SIPA1L3: variants seen among roughly 807,000 people sequenced by gnomAD.
The protein encoded by SIPA1L3 is signal induced proliferation associated 1 like 3.
In SIPA1L3, 59 loss-of-function variants were observed where a neutral mutation model predicts 150.1. The observed-to-expected ratio is 0.39, with a 90% CI of 0.32 to 0.49. SIPA1L3 has a LOEUF of 0.49. SIPA1L3 is among the 20% of genes least tolerant of loss of function. The pLI is 0.86. For synonymous variants in SIPA1L3, 1,070 were observed against 1,077.6 expected (o/e 0.99, Z 0.14); for missense variants, 2,211 against 2,489.5 (o/e 0.89, Z 2.38).
At chr19:38,002,717 CAAAAAAAAAAAA>C (rs55737969) in intron 1 of SIPA1L3, among the ~76,000 whole-genome samples, 1 of 61,420 alleles carries the variant, frequency 1.6e-5, no homozygotes, top group Non-Finnish European at 2.9e-5. Context: ...GACTCCATCT[CAAAAAAAAAAAA>C]AAAAAAAAAA....
chr19:37,959,802 G>C (rs949688404), intron 1 of SIPA1L3, among the ~76,000 whole-genome samples: 10 of 137,248 alleles, frequency 7.3e-5, no homozygotes, highest in Non-Finnish European at 1.2e-4. Flanking sequence ...ATTTTGTTGG[G>C]TTTTAAAAAA....
chr19:38,019,661 A>T (rs1445246353), intron 1 of SIPA1L3, among the ~76,000 whole-genome samples: 2 of 152,162 alleles, frequency 1.3e-5, no homozygotes, highest in Non-Finnish European at 2.9e-5. Context: ...ATTGGCCTGG[A>T]CCTTCAAGCC....
chr19:37,908,344 T>C (rs1245070349), intron 1 of SIPA1L3, among the ~76,000 whole-genome samples: 1 of 152,186 alleles, frequency 6.6e-6, no homozygotes, highest in Non-Finnish European at 1.5e-5. Context: ...TCCAGCGCCA[T>C]CTCTCACTAA....
At chr19:37,909,129 C>T (rs2046358221) in intron 1 of SIPA1L3, among the ~76,000 whole-genome samples, 1 of 152,228 alleles carries the variant, frequency 6.6e-6, no homozygotes, top group Non-Finnish European at 1.5e-5. Flanking sequence ...ATCCAGTCAA[C>T]TAGCAAGAAG....
intron 2 of SIPA1L3, among the ~76,000 whole-genome samples, chr19:38,060,103 T>A (rs1026904014): frequency 6.6e-6 from 1 of 152,202 alleles, no homozygotes; most frequent in Non-Finnish European, 1.5e-5. Context: ...GCAACTGCTC[T>A]CTGCACTTCA....
intron 1 of SIPA1L3, among the ~76,000 whole-genome samples, chr19:37,932,882 G>T (rs915131188): frequency 1.3e-5 from 2 of 152,012 alleles, no homozygotes; most frequent in Admixed American, 1.3e-4. Context: ...TGAGAAAAAT[G>T]GAGGACATTT....
At chr19:37,961,732 A>T (rs1158045364) in intron 1 of SIPA1L3, among the ~76,000 whole-genome samples, 1 of 151,934 alleles carries the variant, frequency 6.6e-6, no homozygotes, top group Non-Finnish European at 1.5e-5. Context: ...CTCCTCTCAT[A>T]GGACTCCCAT....
At chr19:37,911,941 C>T (rs934932360) in intron 1 of SIPA1L3, among the ~76,000 whole-genome samples, 6 of 151,610 alleles carry the variant, frequency 4.0e-5, no homozygotes, top group Admixed American at 2.0e-4. Context: ...GCGTGGTGGC[C>T]GGTGCCTGTA....
chr19:37,975,626 A>C (rs1255598232), intron 1 of SIPA1L3, among the ~76,000 whole-genome samples: 1 of 152,210 alleles, frequency 6.6e-6, no homozygotes, highest in African/African-American at 2.4e-5. Flanking sequence ...CAAGGGCTCT[A>C]TAGGTTTAAT....
intron 9 of SIPA1L3, among the ~76,000 whole-genome samples, chr19:38,122,848 TGGTCACATGTCGCCTTGTC>T (rs1971052502): frequency 6.6e-6 from 1 of 152,214 alleles, no homozygotes; most frequent in Non-Finnish European, 1.5e-5. Context: ...TACAGGCCTT[TGGTCACATGTCGCCTTGTC>T]GGTGAGGCCT....
intron 13 of SIPA1L3, among the ~76,000 whole-genome samples, chr19:38,161,876 CAA>C (rs11365704): frequency 1.5e-3 from 207 of 141,756 alleles, no homozygotes; most frequent in African/African-American, 1.3e-3. Flanking sequence ...AGCAAGACCT[CAA>C]AAAAAAAAAA....
rs566071263 is a variant in SIPA1L3, at chr19:37,965,317, GT to G, written c.-379+57976del. ...TTTATCAGTTCTTTTTATATTTCTA[GT>G]TTTTTTTTTTTTTTTTGAGAAGGCG... On this transcript the variant is annotated intron_variant, in intron 1 of 21. Coordinates refer to ENST00000222345, the MANE Select transcript of SIPA1L3 (RefSeq NM_015073.3). Among the ~76,000 whole-genome samples, 134 of 133,684 alleles carry G rather than the reference GT, an allele frequency of 1.0e-3. No individual in the cohort carries two copies. In the East Asian group the frequency reaches 0.014, roughly 14 times the overall value. The allele number at this position is 133,684 out of a possible 152,430, so 87.7% of individuals were successfully genotyped here.
At position 38,088,845 on chromosome 19, in the gene SIPA1L3, C is replaced by T; in HGVS notation, c.1659C>T (p.Thr553=). 1 of 1,613,742 alleles carries T rather than the reference C, an allele frequency of 6.2e-7. No homozygotes were observed. The highest frequency in any genetic ancestry group is 8.5e-7 in the Non-Finnish European group (1 of 1,179,792). The change falls in exon 4 of 22, where the codon ACC becomes ACT. Residue 553 remains threonine (T), a synonymous_variant. Transcript: ENST00000222345. The part of the protein sequence containing the change: ...PQYQYRIIFR[T]RELITLRGSI... ...ACCAGTACAGGATCATCTTCCGGAC[C>T]CGCGAGGTAGGTCCCATCACTCTCG...
intron 18 of SIPA1L3, among the ~76,000 whole-genome samples, chr19:38,196,877 G>C (rs948389956): frequency 3.3e-5 from 5 of 152,284 alleles, no homozygotes; most frequent in African/African-American, 1.2e-4. Flanking sequence ...CTGAGTTTAT[G>C]TCCCACGTCT....
chr19:38,128,093 C>T (rs1247745712), intron 9 of SIPA1L3, among the ~76,000 whole-genome samples: 1 of 127,884 alleles, frequency 7.8e-6, no homozygotes, highest in Non-Finnish European at 1.6e-5. Flanking sequence ...CTCGCTCTGT[C>T]GCCCAGGCTG....
chr19:38,020,731 C>T (rs902963475), intron 1 of SIPA1L3, among the ~76,000 whole-genome samples: 6 of 152,128 alleles, frequency 3.9e-5, no homozygotes, highest in Non-Finnish European at 7.4e-5. Context: ...GGCACCAGGT[C>T]ATCTTTCTAG....
At chr19:38,064,467 C>A (rs1205090604) in intron 2 of SIPA1L3, among the ~76,000 whole-genome samples, 1 of 152,236 alleles carries the variant, frequency 6.6e-6, no homozygotes, top group African/African-American at 2.4e-5. Context: ...GAGGCCGAGG[C>A]GGGCAGATCA....
intron 1 of SIPA1L3, among the ~76,000 whole-genome samples, chr19:37,927,629 G>T (rs2046516081): frequency 1.6e-5 from 2 of 123,510 alleles, no homozygotes; most frequent in African/African-American, 3.1e-5. Context: ...GCAATGTTTA[G>T]CTCCCACTTA....
chr19:38,127,373 CAT>C (rs1157328376), intron 9 of SIPA1L3, among the ~76,000 whole-genome samples: 3 of 152,182 alleles, frequency 2.0e-5, no homozygotes, highest in Non-Finnish European at 2.9e-5. Context: ...TAAAACATAA[CAT>C]AGCCATCATA....
Sources: allele counts gnomAD v4.1 joint callset (sites outside exome capture counted in the v4.1 genomes callset), GRCh38; gene constraint gnomAD v4.1.1; transcripts MANE v1.5; gene names NCBI Gene and HGNC (gene_info 2026-07-23, HGNC 2026-07-21).